Variants in SNRPN observed in about 807,000 individuals in gnomAD.
SNRPN encodes the protein small nuclear ribonucleoprotein polypeptide N.
A neutral mutation model predicts 25.2 loss-of-function variants in SNRPN; 7 were observed. That is an observed-to-expected ratio of 0.28 (90% CI 0.16 to 0.52). The LOEUF is 0.52. Ranked by LOEUF, SNRPN falls within the 20% of genes least tolerant of loss-of-function variation. The pLI is 0.96. For synonymous variants in SNRPN, 124 were observed against 110.6 expected (o/e 1.12, Z -0.76); for missense variants, 196 against 322.5 (o/e 0.61, Z 3.00).
At chr15:24,832,921 A>T (rs1027500099) in intron 2 of SNRPN, among the ~76,000 whole-genome samples, 5 of 151,772 alleles carry the variant, frequency 3.3e-5, no homozygotes, top group Non-Finnish European at 5.9e-5. Context: ...CCTGGCTAAC[A>T]CGGTGAAACC....
At chr15:24,859,680 C>T (rs545808123) in intron 1 of SNRPN, among the ~76,000 whole-genome samples, 33 of 152,168 alleles carry the variant, frequency 2.2e-4, no homozygotes, top group Non-Finnish European at 3.8e-4. Flanking sequence ...TGAAAGCAAG[C>T]TTACTAAGAA....
At chr15:24,897,361 G>A (rs889958368) in intron 2 of SNRPN, among the ~76,000 whole-genome samples, 2 of 152,172 alleles carry the variant, frequency 1.3e-5, no homozygotes, top group Non-Finnish European at 2.9e-5. Flanking sequence ...CCAAGGTGGG[G>A]GGAATCACTT....
intron 2 of SNRPN, among the ~76,000 whole-genome samples, chr15:24,962,410 T>G (rs752589572): frequency 6.6e-6 from 1 of 152,236 alleles, no homozygotes; most frequent in Non-Finnish European, 1.5e-5. Flanking sequence ...TTTAGTATAA[T>G]TTTCTTTTTT....
intron 2 of SNRPN, among the ~76,000 whole-genome samples, chr15:24,834,221 G>C (rs1397846706): frequency 6.6e-6 from 1 of 152,124 alleles, no homozygotes; most frequent in African/African-American, 2.4e-5. Context: ...ACTGTGCCCA[G>C]CCTGTAAATG....
chr15:24,893,359 G>A (rs770592699), intron 2 of SNRPN, among the ~76,000 whole-genome samples: 3 of 152,200 alleles, frequency 2.0e-5, no homozygotes, highest in Non-Finnish European at 4.4e-5. Context: ...GCTCATGCCT[G>A]TAATCCCAGC....
intron 2 of SNRPN, among the ~76,000 whole-genome samples, chr15:24,896,747 CAGGGAAA>C (rs1555391451): frequency 6.6e-6 from 1 of 151,856 alleles, no homozygotes; most frequent in Non-Finnish European, 1.5e-5. Context: ...TCCCTGATGT[CAGGGAAA>C]ATAGAAAAGA....
At chr15:24,964,808 G>T (rs117346461) in intron 2 of SNRPN, among the ~76,000 whole-genome samples, 402 of 152,226 alleles carry the variant, frequency 2.6e-3, no homozygotes, top group Non-Finnish European at 4.1e-3. Context: ...TAAATAACAG[G>T]TAGTCTCATC....
chr15:24,918,508 CATA>C (rs1486593218), intron 2 of SNRPN, among the ~76,000 whole-genome samples: 3 of 114,780 alleles, frequency 2.6e-5, no homozygotes, highest in Non-Finnish European at 5.3e-5. Context: ...GTATATATAA[CATA>C]ATATATATAT....
At chr15:24,961,633 A>T (rs1197019082) in intron 1 of SNRPN, among the ~76,000 whole-genome samples, 1 of 151,886 alleles carries the variant, frequency 6.6e-6, no homozygotes, top group Non-Finnish European at 1.5e-5. Context: ...TAAAGAAAGC[A>T]CCATTTGCAT....
intron 2 of SNRPN, among the ~76,000 whole-genome samples, chr15:24,834,259 G>T (rs774222200): frequency 1.3e-5 from 2 of 150,004 alleles, no homozygotes; most frequent in Non-Finnish European, 3.0e-5. Context: ...CTTTTGTAAA[G>T]AAGCTTGCTT....
At chr15:24,956,482 C>T (rs1032795512) in intron 1 of SNRPN, among the ~76,000 whole-genome samples, 1 of 152,096 alleles carries the variant, frequency 6.6e-6, no homozygotes, top group Non-Finnish European at 1.5e-5. Context: ...GAGAGGAAGC[C>T]GGCCAAGGTG....
chr15:24,868,136 TACAC>T (rs201794537), intron 1 of SNRPN, among the ~76,000 whole-genome samples: 4 of 151,104 alleles, frequency 2.6e-5, no homozygotes, highest in Admixed American at 1.3e-4. Context: ...TATATATATA[TACAC>T]ACACACATAT....
chr15:24,863,057 A>G (rs1390968744), intron 1 of SNRPN, among the ~76,000 whole-genome samples: 2 of 150,588 alleles, frequency 1.3e-5, no homozygotes, highest in African/African-American at 5.0e-5. Flanking sequence ...TTTAAGTGTT[A>G]CTCACAATCC....
At position 24,929,571 on chromosome 15, in the gene SNRPN, G is replaced by A. The variant is rs568392382; in HGVS notation, c.-391+9447G>A. ...TGTCAGTTGGGTGTCCCCTCATGAG[G>A]GTGGCAGACTGTCTCCTTGAGTTCT... On this transcript the variant is annotated intron_variant, in intron 3 of 11. Transcript: ENST00000400097. The surrounding 1 kb of genome is among the most constrained non-coding windows in gnomAD (Gnocchi z 5.3). Among the ~76,000 whole-genome samples the A allele has an allele frequency of 6.6e-6, 1 of 152,210 alleles. No homozygotes were observed. Among genetic ancestry groups the A allele is most frequent in the African/African-American group, 2.4e-5 (1 of 41,534 alleles).
At chr15:24,879,619 A>G (rs957317512) in intron 1 of SNRPN, among the ~76,000 whole-genome samples, 3 of 152,190 alleles carry the variant, frequency 2.0e-5, no homozygotes, top group Non-Finnish European at 4.4e-5. Flanking sequence ...TTCTGCAGAG[A>G]CCATGTCTGT....
At chr15:24,956,244 T>C (rs989124248) in intron 1 of SNRPN, among the ~76,000 whole-genome samples, 5 of 151,922 alleles carry the variant, frequency 3.3e-5, no homozygotes, top group African/African-American at 1.2e-4. Context: ...AACCAGGTCT[T>C]GGAAGGCTAT....
chr15:24,977,644 A>C (rs768552185), intron 7 of SNRPN, 134 bp from the exon 8 acceptor site: 3 of 898,042 alleles, frequency 3.3e-6, no homozygotes, highest in Non-Finnish European at 4.8e-6. Context: ...CTCAAAAAAA[A>C]ACATGGGAAT....
chr15:24,826,633 A>G (rs17178787), intron 1 of SNRPN, among the ~76,000 whole-genome samples: 21,757 of 152,144 alleles, frequency 0.14, 1,816 homozygotes, highest in Non-Finnish European at 0.19. Flanking sequence ...AATGAAACTC[A>G]TAAAGAAAAA....
At chr15:24,917,455 G>C (rs778019768) in intron 2 of SNRPN, among the ~76,000 whole-genome samples, 5 of 152,168 alleles carry the variant, frequency 3.3e-5, no homozygotes, top group Non-Finnish European at 4.4e-5. Flanking sequence ...TTTGAGGCTA[G>C]GGAAGAAAAA....
Sources: allele counts gnomAD v4.1 joint callset (sites outside exome capture counted in the v4.1 genomes callset), GRCh38; gene constraint gnomAD v4.1.1; non-coding constraint Gnocchi (gnomAD v3.1); transcripts MANE v1.5; gene names NCBI Gene and HGNC (gene_info 2026-07-23, HGNC 2026-07-21).